WDFY3: variants seen among roughly 807,000 people sequenced by gnomAD.
The protein encoded by WDFY3 is WD repeat and FYVE domain-containing protein 3.
A neutral mutation model predicts 409.6 loss-of-function variants in WDFY3; 66 were observed. The observed-to-expected ratio is 0.16, with a 90% CI of 0.13 to 0.20. The LOEUF (loss-of-function observed/expected upper bound fraction) is 0.20. Ranked by LOEUF, WDFY3 falls within the 10% of genes least tolerant of loss-of-function variation. The pLI is 1.00. For missense variants in WDFY3, 3,031 were observed against 4,298.1 expected (o/e 0.71, Z 8.24); for synonymous variants, 1,521 against 1,537.1 (o/e 0.99, Z 0.25).
intron 32 of WDFY3, among the ~76,000 whole-genome samples, chr4:84,764,881 A>C (rs965111403): frequency 2.6e-5 from 4 of 151,864 alleles, no homozygotes; most frequent in African/African-American, 9.7e-5. Flanking sequence ...AAAAAAAAAA[A>C]GATCTGTCTT....
chr4:84,848,468 C>G, intron 5 of WDFY3, among the ~76,000 whole-genome samples: 1 of 152,130 alleles, frequency 6.6e-6, no homozygotes, highest in Non-Finnish European at 1.5e-5. Context: ...AGTGCTCATC[C>G]TGGGCTGCAT....
intron 7 of WDFY3, among the ~76,000 whole-genome samples, chr4:84,835,118 G>A (rs561917950): frequency 1.3e-5 from 2 of 152,298 alleles, no homozygotes; most frequent in South Asian, 2.1e-4. Context: ...AATGACTTCA[G>A]TATGCTAAAG....
In WDFY3 at chr4:84,860,597, C is replaced by T. The variant is rs1490471991; in HGVS notation, c.-6G>A. On this transcript the variant is annotated 5_prime_UTR_variant, in exon 4 of 68. Coordinates refer to ENST00000295888, the MANE Select transcript of WDFY3 (RefSeq NM_014991.6). The stretch of plus-strand genomic sequence containing the variant: ...ATCCTCTTCACCATGTTCATCTTGG[C>T]TGGTTGGTGAGACGCACTTCTAATT... 2 of 1,593,968 alleles carry T rather than the reference C, an allele frequency of 1.3e-6. No homozygotes were observed. The highest frequency in any genetic ancestry group is 4.5e-5 in the East Asian group (2 of 44,344).
Position 84,682,291 on chromosome 4 carries a change from ATGT to A in WDFY3, c.9823+80_9823+82del. 3 of 1,318,694 alleles carry A rather than the reference ATGT, an allele frequency of 2.3e-6. No homozygotes were observed. In the South Asian group the frequency reaches 4.0e-5, roughly 18 times the overall value. 81.7% of individuals were successfully genotyped at this position (1,318,694 alleles called of 1,614,324 possible). A position where few individuals can be genotyped will look rare whatever the true frequency, so the allele number is the denominator to read the frequency against. On this transcript the variant is annotated intron_variant, in intron 64 of 67. Coordinates refer to ENST00000295888, the MANE Select transcript of WDFY3 (RefSeq NM_014991.6). Reference sequence around the variant, plus strand: ...AGTGCCCAACCTTGGGCTCCTCTTTATGTTGTTTGGTATAAGCTTATCCACAGT... The same window carrying A: ...AGTGCCCAACCTTGGGCTCCTCTTTATGTTTGGTATAAGCTTATCCACAGT...
chr4:84,841,333 T>G (rs1757324078), intron 5 of WDFY3, 70 bp from the exon 6 acceptor site: 1 of 1,338,664 alleles, frequency 7.5e-7, no homozygotes, highest in South Asian at 1.3e-5. Context: ...CTTTAAAACC[T>G]ACCAAGGAAA....
intron 48 of WDFY3, among the ~76,000 whole-genome samples, chr4:84,717,972 C>T (rs1303305374): frequency 2.0e-5 from 3 of 148,330 alleles, no homozygotes; most frequent in Admixed American, 6.9e-5. Flanking sequence ...GGCATGAACC[C>T]GGGAGGCGGA....
intron 3 of WDFY3, among the ~76,000 whole-genome samples, chr4:84,864,553 A>T (rs1186588885): frequency 6.6e-6 from 1 of 152,164 alleles, no homozygotes; most frequent in African/African-American, 2.4e-5. Flanking sequence ...ATGCTTTATT[A>T]AAGTGTACAA....
chr4:84,829,086 C>T lies in WDFY3; in HGVS notation c.874G>A (p.Asp292Asn). The change falls in exon 9 of 68, where the codon GAT becomes AAT. Residue 292 changes from aspartate (D) to asparagine (N), a missense_variant. Around this residue, in one of 16 missense-constraint regions of WDFY3, gnomAD observed 1,322 missense variants for 1,697.9 expected, o/e 0.78. Coordinates refer to ENST00000295888, the MANE Select transcript of WDFY3 (RefSeq NM_014991.6). ...MFAGLSCFLKDSSDVSQTLLD... is the reference protein window; with the variant it reads ...MFAGLSCFLKNSSDVSQTLLD... ...AGTGTTTGGGAAACATCGCTGGAAT[C>T]TTTGAGGAAACAAGAAAGCCCAGCA... 4 of 1,613,836 alleles carry T rather than the reference C, an allele frequency of 2.5e-6. No individual in the cohort carries two copies. Among genetic ancestry groups the T allele is most frequent in the Non-Finnish European group, 3.4e-6 (4 of 1,179,850 alleles).
chr4:84,742,687 C>T (rs1233088972), intron 37 of WDFY3, among the ~76,000 whole-genome samples: 1 of 152,098 alleles, frequency 6.6e-6, no homozygotes, highest in Non-Finnish European at 1.5e-5. Context: ...TATTATGAAC[C>T]GTGCATGCAA....
chr4:84,910,949 A>C (rs2150739951), intron 2 of WDFY3, among the ~76,000 whole-genome samples: 1 of 151,408 alleles, frequency 6.6e-6, no homozygotes, highest in South Asian at 2.1e-4. Context: ...CAAACTCCTG[A>C]CCTCAGGTGA....
At chr4:84,966,068 T>C in intron 1 of WDFY3, 141 bp downstream of exon 1, 1 of 152,066 alleles carries the variant, frequency 6.6e-6, no homozygotes, top group Non-Finnish European at 1.5e-5. Context: ...GGCCGCGGCC[T>C]GTCCCTAGGG....
At chr4:84,784,889 TATACACACAC>T (rs1176146492) in intron 24 of WDFY3, among the ~76,000 whole-genome samples, 10 of 52,050 alleles carry the variant, frequency 1.9e-4, no homozygotes, top group Non-Finnish European at 3.2e-4. Context: ...TATATATATA[TATACACACAC>T]ACACACACAC....
chr4:84,702,729 G>C (rs1255955740), intron 55 of WDFY3, among the ~76,000 whole-genome samples: 3 of 152,150 alleles, frequency 2.0e-5, no homozygotes, highest in African/African-American at 7.2e-5. Context: ...TAATCAAACT[G>C]AAATCCAAAT....
At chr4:84,676,905 T>A (rs1726392603) in intron 67 of WDFY3, among the ~76,000 whole-genome samples, 1 of 152,218 alleles carries the variant, frequency 6.6e-6, no homozygotes, top group Non-Finnish European at 1.5e-5. Flanking sequence ...ATACTTACAA[T>A]GTATCTATAG....
chr4:84,690,306 C>G (rs757175890), intron 61 of WDFY3, among the ~76,000 whole-genome samples, 200 bp downstream of exon 61: 1 of 151,990 alleles, frequency 6.6e-6, no homozygotes, highest in South Asian at 2.1e-4. Flanking sequence ...ACAAAGGGAC[C>G]GGCTTAGATC....
chr4:84,784,887 TATATACAC>T (rs1280412365), intron 24 of WDFY3, among the ~76,000 whole-genome samples: 687 of 62,282 alleles, frequency 0.011, 4 homozygotes, highest in African/African-American at 0.028. Context: ...TATATATATA[TATATACAC>T]ACACACACAC....
chr4:84,915,809 C>A (rs1356794393), intron 2 of WDFY3, among the ~76,000 whole-genome samples: 2 of 152,118 alleles, frequency 1.3e-5, no homozygotes, highest in African/African-American at 4.8e-5. Context: ...TTAACAGGAA[C>A]TGGGGAAAAA....
At chr4:84,933,824 A>C (rs1771072450) in intron 1 of WDFY3, among the ~76,000 whole-genome samples, 1 of 152,086 alleles carries the variant, frequency 6.6e-6, no homozygotes, top group Non-Finnish European at 1.5e-5. Flanking sequence ...AATGTCCTCC[A>C]GTTTCATCTA....
chr4:84,845,635 G>A (rs1032179669), intron 5 of WDFY3, among the ~76,000 whole-genome samples: 11 of 151,940 alleles, frequency 7.2e-5, no homozygotes, highest in Non-Finnish European at 1.5e-4. Context: ...ATTAAGAGTT[G>A]GATGATTTAG....
Sources: allele counts gnomAD v4.1 joint callset (sites outside exome capture counted in the v4.1 genomes callset), GRCh38; gene constraint gnomAD v4.1.1; regional missense constraint gnomAD v4.1.1; transcripts MANE v1.5; gene names NCBI Gene and HGNC (gene_info 2026-07-23, HGNC 2026-07-21).